SLC44A3: variants seen among roughly 807,000 people sequenced by gnomAD.
The protein encoded by SLC44A3 is choline transporter-like protein 3.
A neutral mutation model predicts 75.4 loss-of-function variants in SLC44A3; 74 were observed. That is an observed-to-expected ratio of 0.98 (90% CI 0.81 to 1.19). The LOEUF (loss-of-function observed/expected upper bound fraction) is 1.19. Ranked by LOEUF, SLC44A3 falls within the 50% of genes most tolerant of loss-of-function variation. The probability of loss-of-function intolerance (pLI) is 0.00; values close to 1 mark genes in which losing one functional copy is unlikely to be tolerated. For synonymous variants in SLC44A3, 310 were observed against 296.9 expected (o/e 1.04, Z -0.45); for missense variants, 700 against 778.6 (o/e 0.90, Z 1.20).
At chr1:94,864,076 C>A (rs1666884253) in intron 10 of SLC44A3, among the ~76,000 whole-genome samples, 1 of 152,222 alleles carries the variant, frequency 6.6e-6, no homozygotes, top group African/African-American at 2.4e-5. Context: ...AGAGTGATGG[C>A]TGTGCCCATT....
intron 12 of SLC44A3, among the ~76,000 whole-genome samples, chr1:94,869,225 C>T (rs1356864687): frequency 4.6e-5 from 7 of 152,226 alleles, no homozygotes; most frequent in Non-Finnish European, 2.9e-5. Flanking sequence ...GGACCATTTC[C>T]CTTGGTAATT....
chr1:94,892,014 A>T (rs901832675), intron 13 of SLC44A3, among the ~76,000 whole-genome samples: 21 of 152,230 alleles, frequency 1.4e-4, no homozygotes, highest in Non-Finnish European at 2.4e-4. Flanking sequence ...AGCTTGTGAG[A>T]TATTATTACA....
chr1:94,890,809 T>C (rs567481544), intron 12 of SLC44A3, among the ~76,000 whole-genome samples: 2 of 152,302 alleles, frequency 1.3e-5, no homozygotes, highest in South Asian at 2.1e-4. Context: ...ATGGCACCAC[T>C]GCACTCCAGC....
chr1:94,840,781 C>T (rs1663521807), intron 7 of SLC44A3, among the ~76,000 whole-genome samples: 1 of 152,320 alleles, frequency 6.6e-6, no homozygotes, highest in South Asian at 2.1e-4. Context: ...TCTGACCAGC[C>T]AGAAGACACA....
At chr1:94,862,564 C>T (rs1666699873) in intron 10 of SLC44A3, among the ~76,000 whole-genome samples, 1 of 152,208 alleles carries the variant, frequency 6.6e-6, no homozygotes, top group African/African-American at 2.4e-5. Context: ...CTTCGTTGTT[C>T]TGGGAGCCAG....
chr1:94,847,952 GGT>G (rs1664634638), intron 9 of SLC44A3, among the ~76,000 whole-genome samples: 1 of 152,170 alleles, frequency 6.6e-6, no homozygotes, highest in Admixed American at 6.5e-5. Context: ...CTTTAGGCCG[GGT>G]GCAGTGGCTC....
chr1:94,841,956 C>T, intron 7 of SLC44A3, 44 bp from the exon 8 acceptor site: 9 of 1,568,434 alleles, frequency 5.7e-6, no homozygotes, highest in Non-Finnish European at 7.8e-6. Flanking sequence ...GAAAGGTTAC[C>T]TCATGGCGTG....
intron 1 of SLC44A3, 59 bp downstream of exon 1, chr1:94,820,537 C>G: frequency 6.8e-7 from 1 of 1,466,218 alleles, no homozygotes; most frequent in Non-Finnish European, 9.0e-7. Context: ...TCGAGTCCCC[C>G]GCCTTCACGC....
At chr1:94,894,738 G>T (rs1368957613) in intron 14 of SLC44A3, 80 bp from the exon 15 acceptor site, 4 of 1,174,860 alleles carry the variant, frequency 3.4e-6, no homozygotes, top group Non-Finnish European at 4.9e-6. Context: ...AGAGGGCAAA[G>T]GAGAAGTTTT....
chr1:94,879,467 G>A (rs1668693975), intron 12 of SLC44A3, among the ~76,000 whole-genome samples: 1 of 151,198 alleles, frequency 6.6e-6, no homozygotes, highest in African/African-American at 2.4e-5. Context: ...GGGAGGCAGA[G>A]GTTGCGGTGA....
chr1:94,893,483 C>T (rs534645282), intron 14 of SLC44A3, among the ~76,000 whole-genome samples: 26 of 152,082 alleles, frequency 1.7e-4, no homozygotes, highest in African/African-American at 4.6e-4. Flanking sequence ...TAGGTTCAAG[C>T]GATTCTCCTG....
chr1:94,821,697 T>G (rs965808632), intron 2 of SLC44A3, among the ~76,000 whole-genome samples: 33 of 152,168 alleles, frequency 2.2e-4, no homozygotes, highest in African/African-American at 7.7e-4. Flanking sequence ...GCAGAAAACG[T>G]CTCACCCGAC....
chr1:94,823,049 G>T (rs530555065), intron 2 of SLC44A3, among the ~76,000 whole-genome samples: 48 of 152,162 alleles, frequency 3.2e-4, no homozygotes, highest in Admixed American at 1.1e-3. Context: ...GAGGGACTCA[G>T]GAATCCTCAG....
chr1:94,845,156 A>G, intron 8 of SLC44A3, 122 bp from the exon 9 acceptor site: 1 of 1,010,358 alleles, frequency 9.9e-7, no homozygotes, highest in Non-Finnish European at 1.4e-6. Context: ...ATAACAAAGT[A>G]GTGAGTAACT....
intron 1 of SLC44A3, chr1:94,820,730 A>G: frequency 7.2e-7 from 1 of 1,395,570 alleles, no homozygotes; most frequent in South Asian, 1.7e-5. Flanking sequence ...CCAGGTAAGC[A>G]CTTGGCGGCA....
rs186926824 is a variant in SLC44A3 at position 94,874,932 on chromosome 1, T to C, written c.1482+7515T>C. ...TTGTGAGATGTAAGAGTCAAACAGA[T>C]GAAGATTAAAAATATCACCTTGAAT... On this transcript the variant is annotated intron_variant, in intron 12 of 14. Coordinates refer to ENST00000271227, the MANE Select transcript of SLC44A3 (RefSeq NM_001114106.3). 7.2e-5 allele frequency among the ~76,000 whole-genome samples: 11 copies of C among 152,338 alleles called. No homozygotes were observed. The East Asian group carries it at 1.7e-3, about 24-fold the overall frequency.
At chr1:94,850,683 G>C (rs1665109579) in intron 9 of SLC44A3, among the ~76,000 whole-genome samples, 1 of 152,172 alleles carries the variant, frequency 6.6e-6, no homozygotes, top group African/African-American at 2.4e-5. Flanking sequence ...ACTGATGTAA[G>C]GTTGCCTCAC....
chr1:94,831,756 A>G (rs980943420), intron 5 of SLC44A3, among the ~76,000 whole-genome samples: 6 of 152,222 alleles, frequency 3.9e-5, no homozygotes, highest in Non-Finnish European at 8.8e-5. Context: ...GCTGAATTCC[A>G]TATACCTGGT....
chr1:94,891,022 G>T, intron 12 of SLC44A3, 108 bp from the exon 13 acceptor site: 2 of 877,656 alleles, frequency 2.3e-6, no homozygotes, highest in Non-Finnish European at 3.4e-6. Context: ...TATGGGTAGA[G>T]AGAGTAGGTT....
Sources: gnomAD v4.1 joint callset for allele counts (sites outside exome capture counted in the v4.1 genomes callset) on GRCh38, gnomAD v4.1.1 for gene constraint, MANE v1.5 for transcripts, NCBI Gene and HGNC (gene_info 2026-07-23, HGNC 2026-07-21) for gene names.